RAPGEF4: variants seen among roughly 807,000 people sequenced by gnomAD.
RAPGEF4 encodes the protein RAP guanine-nucleotide-exchange factor (GEF) 4.
In RAPGEF4, 66 loss-of-function variants were observed where a neutral mutation model predicts 147.9. The observed-to-expected ratio is 0.45, with a 90% confidence interval of 0.37 to 0.55. The LOEUF (loss-of-function observed/expected upper bound fraction) is 0.55. Among genes scored for constraint, RAPGEF4 ranks in the 20% least tolerant of loss-of-function variants. RAPGEF4 has a pLI of 0.00. For synonymous variants in RAPGEF4, 419 were observed against 442.7 expected (o/e 0.95, Z 0.67); for missense variants, 1,071 against 1,257.3 (o/e 0.85, Z 2.24).
intron 4 of RAPGEF4, among the ~76,000 whole-genome samples, chr2:172,870,287 T>A (rs892077359): frequency 6.6e-6 from 1 of 152,182 alleles, no homozygotes; most frequent in African/African-American, 2.4e-5. Flanking sequence ...GATCAGCCAG[T>A]CAATCAATCT....
intron 1 of RAPGEF4, among the ~76,000 whole-genome samples, chr2:172,737,306 A>G (rs1047370108): frequency 6.6e-6 from 1 of 152,216 alleles, no homozygotes; most frequent in African/African-American, 2.4e-5. Context: ...ACACAGGATT[A>G]TGTAGAAGAA....
At chr2:172,737,890 A>G (rs1693953934) in intron 1 of RAPGEF4, among the ~76,000 whole-genome samples, 1 of 152,154 alleles carries the variant, frequency 6.6e-6, no homozygotes, top group African/African-American at 2.4e-5. Context: ...TAAGTGGACA[A>G]ATGGAAGGAG....
At chr2:172,859,970 TGGCAATTG>T (rs1693840763) in intron 4 of RAPGEF4, 17 of 938,702 alleles carry the variant, frequency 1.8e-5, no homozygotes, top group Middle Eastern at 5.4e-4. Context: ...AGTGACTGCC[TGGCAATTG>T]TTTCATGGAA....
intron 4 of RAPGEF4, among the ~76,000 whole-genome samples, chr2:172,840,167 A>T (rs778870756): frequency 1.3e-5 from 2 of 152,296 alleles, no homozygotes; most frequent in Non-Finnish European, 2.9e-5. Flanking sequence ...CTTCTCTTCC[A>T]TTAAGGATCT....
At chr2:172,789,775 A>G (rs1354940070) in intron 1 of RAPGEF4, among the ~76,000 whole-genome samples, 44 of 152,238 alleles carry the variant, frequency 2.9e-4, no homozygotes, top group Non-Finnish European at 4.0e-4. Flanking sequence ...GCATGTTGTC[A>G]CAGATTGCAG....
chr2:172,910,384 T>G (rs547659272), intron 4 of RAPGEF4, among the ~76,000 whole-genome samples: 1 of 152,254 alleles, frequency 6.6e-6, no homozygotes, highest in African/African-American at 2.4e-5. Flanking sequence ...CAAGGTGATC[T>G]TCCAGCCCTG....
At chr2:172,870,236 A>T (rs1400290602) in intron 4 of RAPGEF4, among the ~76,000 whole-genome samples, 1 of 152,142 alleles carries the variant, frequency 6.6e-6, no homozygotes, top group Admixed American at 6.6e-5. Flanking sequence ...ATTTCACATC[A>T]TGACCCGGTA....
intron 4 of RAPGEF4, among the ~76,000 whole-genome samples, chr2:172,872,964 C>T (rs1249773016): frequency 1.3e-5 from 2 of 152,112 alleles, no homozygotes; most frequent in African/African-American, 2.4e-5. Context: ...TTCAGACTGA[C>T]CGGAACCATT....
rs569761776 is a variant in RAPGEF4 at position 172,978,979 on chromosome 2, C to T, written c.1005-4517C>T. Among the ~76,000 whole-genome samples, 21 of 152,294 alleles carry T rather than the reference C, an allele frequency of 1.4e-4. No homozygotes were observed. In the South Asian group the frequency reaches 2.5e-3, roughly 18 times the overall value. ...CTGAATGGACTTCCATTTAAACTCC[C>T]GCTGATCTCAACATAGGTACTGAGT... On this transcript the variant is annotated intron_variant, in intron 10 of 30. Transcript: ENST00000397081.
At chr2:172,959,887 C>T (rs777003387) in intron 6 of RAPGEF4, among the ~76,000 whole-genome samples, 17 of 152,108 alleles carry the variant, frequency 1.1e-4, no homozygotes, top group African/African-American at 2.7e-4. Flanking sequence ...GCCAGGAGTG[C>T]GAGACCAGCC....
intron 6 of RAPGEF4, among the ~76,000 whole-genome samples, chr2:172,930,965 G>A (rs1022674895): frequency 6.6e-6 from 1 of 152,104 alleles, no homozygotes; most frequent in East Asian, 1.9e-4. Flanking sequence ...TGTCTCCAAA[G>A]ACATTAGTAT....
At position 172,996,556 on chromosome 2, in the gene RAPGEF4, T is replaced by A; in HGVS notation, c.1579+2T>A. On this transcript the variant is annotated splice_donor_variant, in intron 16 of 30. Coordinates refer to ENST00000397081, the MANE Select transcript of RAPGEF4 (RefSeq NM_007023.4). LOFTEE classifies it high-confidence loss of function. Reference sequence around the variant, plus strand: ...AGGCAACTTTAAATGAAGCAACAGGTATACACATAGAACCGTTTGCATGTC... The same window carrying A: ...AGGCAACTTTAAATGAAGCAACAGGAATACACATAGAACCGTTTGCATGTC... The A allele has an allele frequency of 6.4e-7, 1 of 1,554,364 alleles. No individual in the cohort carries two copies. Among genetic ancestry groups the A allele is most frequent in the Admixed American group, 2.1e-5 (1 of 47,222 alleles).
chr2:172,930,181 C>T (rs1343388962), intron 6 of RAPGEF4, among the ~76,000 whole-genome samples: 1 of 152,146 alleles, frequency 6.6e-6, no homozygotes, highest in Non-Finnish European at 1.5e-5. Context: ...ATTGCATGAA[C>T]ACAGGAAAAG....
At chr2:172,762,957 T>C (rs1442597769) in intron 1 of RAPGEF4, among the ~76,000 whole-genome samples, 1 of 152,194 alleles carries the variant, frequency 6.6e-6, no homozygotes, top group Non-Finnish European at 1.5e-5. Context: ...TTATGAGAAT[T>C]GAGTGGTGAA....
intron 4 of RAPGEF4, among the ~76,000 whole-genome samples, chr2:172,875,427 A>C (rs1215463349): frequency 3.3e-5 from 5 of 152,222 alleles, no homozygotes; most frequent in Middle Eastern, 3.4e-3. Flanking sequence ...TTTTTGTGTA[A>C]GGTGTAAGGA....
intron 6 of RAPGEF4, among the ~76,000 whole-genome samples, chr2:172,942,378 G>A (rs1163494089): frequency 4.0e-5 from 6 of 151,312 alleles, no homozygotes; most frequent in African/African-American, 1.5e-4. Context: ...AAGATTAAAG[G>A]ACCATGTTCA....
chr2:172,851,294 T>C (rs771039720), intron 4 of RAPGEF4, among the ~76,000 whole-genome samples: 2 of 152,234 alleles, frequency 1.3e-5, no homozygotes, highest in Admixed American at 6.5e-5. Flanking sequence ...TGCACTGTGG[T>C]CTAAGAGTGT....
chr2:172,977,434 G>C (rs1004109524), intron 10 of RAPGEF4, among the ~76,000 whole-genome samples: 1 of 152,132 alleles, frequency 6.6e-6, no homozygotes, highest in Non-Finnish European at 1.5e-5. Context: ...TGCTCTTTGA[G>C]GGGTGGGGTG....
intron 29 of RAPGEF4, 110 bp from the exon 30 acceptor site, chr2:173,048,490 A>T: frequency 6.6e-7 from 1 of 1,514,980 alleles, no homozygotes; most frequent in Non-Finnish European, 8.8e-7. Flanking sequence ...ATCTCAGAAC[A>T]TGTCACTTCT....
Sources: gnomAD v4.1 joint callset for allele counts (sites outside exome capture counted in the v4.1 genomes callset) on GRCh38, gnomAD v4.1.1 for gene constraint, MANE v1.5 for transcripts, NCBI Gene and HGNC (gene_info 2026-07-23, HGNC 2026-07-21) for gene names.